PRKCE: variants seen among roughly 807,000 people sequenced by gnomAD.
PRKCE encodes the protein protein kinase C epsilon type.
A neutral mutation model predicts 85.4 loss-of-function variants in PRKCE; 16 were observed. The observed-to-expected ratio is 0.19, with a 90% confidence interval of 0.13 to 0.28. The LOEUF (loss-of-function observed/expected upper bound fraction) is 0.28, where lower values mean the gene tolerates loss of function less well. PRKCE is among the 10% of genes least tolerant of loss of function. PRKCE has a pLI of 1.00. For missense variants in PRKCE, 573 were observed against 975.2 expected (o/e 0.59, Z 5.49); for synonymous variants, 388 against 371.5 (o/e 1.04, Z -0.51).
chr2:45,726,444 G>A (rs1281917059), intron 1 of PRKCE, among the ~76,000 whole-genome samples: 1 of 152,164 alleles, frequency 6.6e-6, no homozygotes, highest in Non-Finnish European at 1.5e-5. Context: ...ATCGAGGCAC[G>A]ATTCCCCAGC....
chr2:45,827,280 C>A (rs2105369296), intron 1 of PRKCE, among the ~76,000 whole-genome samples: 1 of 152,356 alleles, frequency 6.6e-6, no homozygotes, highest in South Asian at 2.1e-4. Flanking sequence ...TGATACAATT[C>A]TTACGTGTGT....
intron 2 of PRKCE, among the ~76,000 whole-genome samples, chr2:45,904,844 C>T (rs1696853370): frequency 6.6e-6 from 1 of 152,092 alleles, no homozygotes; most frequent in South Asian, 2.1e-4. Context: ...ATGGCAGGGA[C>T]CCATGAGAGG....
intron 1 of PRKCE, among the ~76,000 whole-genome samples, chr2:45,838,323 C>T (rs899231992): frequency 6.6e-5 from 10 of 152,230 alleles, no homozygotes; most frequent in Non-Finnish European, 1.0e-4. Flanking sequence ...TTGACCTCTC[C>T]TCTGTGCCCC....
intron 2 of PRKCE, among the ~76,000 whole-genome samples, chr2:45,950,280 C>T (rs1700534872): frequency 6.6e-6 from 1 of 152,174 alleles, no homozygotes. Flanking sequence ...AAAATGAATG[C>T]TTAGTTTTAA....
At position 45,948,861 on chromosome 2, in the gene PRKCE, G is replaced by C. The variant is rs569299284; in HGVS notation, c.413-27568G>C. ...TTTTACTTTATATAAATGGTATACTGTACACATTGTTTTGTAACTTGCTTT... is the reference window on the plus strand; with the variant it reads ...TTTTACTTTATATAAATGGTATACTCTACACATTGTTTTGTAACTTGCTTT... On this transcript the variant is annotated intron_variant, in intron 2 of 14. Coordinates refer to ENST00000306156, the MANE Select transcript of PRKCE (RefSeq NM_005400.3). Among the ~76,000 whole-genome samples the C allele has an allele frequency of 6.6e-5, 10 of 152,218 alleles. No homozygotes were observed. The East Asian group carries it at 1.9e-3, about 29-fold the overall frequency.
At chr2:46,085,373 C>T (rs1669494988) in intron 10 of PRKCE, among the ~76,000 whole-genome samples, 1 of 152,216 alleles carries the variant, frequency 6.6e-6, no homozygotes, top group African/African-American at 2.4e-5. Context: ...TCTCCTGGGA[C>T]TGCCTCAACA....
chr2:46,030,524 C>A (rs890474178), intron 10 of PRKCE, among the ~76,000 whole-genome samples: 4 of 152,126 alleles, frequency 2.6e-5, no homozygotes, highest in African/African-American at 9.7e-5. Flanking sequence ...CCACCATGCC[C>A]CCCTCCCTGG....
At chr2:45,902,408 A>G (rs1351813299) in intron 2 of PRKCE, among the ~76,000 whole-genome samples, 1 of 152,236 alleles carries the variant, frequency 6.6e-6, no homozygotes, top group African/African-American at 2.4e-5. Context: ...GCTGTGATCC[A>G]ACAGGAGGAT....
intron 1 of PRKCE, among the ~76,000 whole-genome samples, chr2:45,804,369 C>G (rs1022391657): frequency 6.6e-6 from 1 of 152,128 alleles, no homozygotes. Flanking sequence ...CCATCCCTAC[C>G]GACCTGAATT....
chr2:45,670,180 C>G (rs969971803), intron 1 of PRKCE, among the ~76,000 whole-genome samples: 5 of 152,162 alleles, frequency 3.3e-5, no homozygotes, highest in African/African-American at 1.2e-4. Context: ...CGTGCCTTCT[C>G]TAATGGGATT....
intron 1 of PRKCE, among the ~76,000 whole-genome samples, chr2:45,682,650 G>A (rs568299832): frequency 4.2e-4 from 64 of 152,190 alleles, no homozygotes; most frequent in African/African-American, 1.4e-3. Context: ...GCAATGGCGC[G>A]ATCTCCACTC....
chr2:46,096,613 A>G (rs566033959), intron 11 of PRKCE, among the ~76,000 whole-genome samples: 1 of 152,350 alleles, frequency 6.6e-6, no homozygotes, highest in South Asian at 2.1e-4. Context: ...GCCTTCTGCA[A>G]GCCAAGGAGA....
At chr2:46,146,440 G>C (rs7578422) in intron 12 of PRKCE, among the ~76,000 whole-genome samples, 18,607 of 152,334 alleles carry the variant, frequency 0.12, 1,600 homozygotes, top group African/African-American at 0.23. Context: ...TTGGTCTAAA[G>C]GGAGTGATAG....
intron 1 of PRKCE, among the ~76,000 whole-genome samples, chr2:45,763,635 G>T (rs1684688718): frequency 6.6e-6 from 1 of 151,914 alleles, no homozygotes; most frequent in South Asian, 2.1e-4. Flanking sequence ...ATCTCCCTTG[G>T]TATAACCCGC....
intron 14 of PRKCE, among the ~76,000 whole-genome samples, chr2:46,163,710 C>T (rs1233575855): frequency 6.8e-6 from 1 of 147,126 alleles, no homozygotes; most frequent in Non-Finnish European, 1.5e-5. Flanking sequence ...GAGGCACACC[C>T]CAAAGAGGCC....
rs903211614 is a variant in PRKCE at position 45,907,521 on chromosome 2, G to A, written c.412+64458G>A. 6.6e-6 allele frequency among the ~76,000 whole-genome samples: 1 copy of A among 152,344 alleles called. No individual in the cohort carries two copies. The highest frequency in any genetic ancestry group is 2.1e-4 in the South Asian group (1 of 4,826). On this transcript the variant is annotated intron_variant, in intron 2 of 14. Coordinates refer to ENST00000306156, the MANE Select transcript of PRKCE (RefSeq NM_005400.3). This position sits in a 1 kb window ranked among gnomAD's most constrained non-coding sequence, Gnocchi z 4.5. ...CACACTTCTGAGGGCGTCATCGCAG[G>A]CCCTGTTCATCTCTCCGGGCAGTGG...
intron 10 of PRKCE, among the ~76,000 whole-genome samples, chr2:46,059,713 G>A (rs1054419077): frequency 2.6e-5 from 4 of 151,924 alleles, no homozygotes; most frequent in African/African-American, 9.7e-5. Flanking sequence ...AGGCTGAGGG[G>A]GATCACCTGA....
chr2:45,889,255 G>A (rs1259669117), intron 2 of PRKCE, among the ~76,000 whole-genome samples: 1 of 152,162 alleles, frequency 6.6e-6, no homozygotes, highest in Non-Finnish European at 1.5e-5. Context: ...CACGTGAAAT[G>A]TATGGAGGGC....
At chr2:45,945,948 A>G (rs1700216236) in intron 2 of PRKCE, among the ~76,000 whole-genome samples, 1 of 152,238 alleles carries the variant, frequency 6.6e-6, no homozygotes, top group East Asian at 1.9e-4. Flanking sequence ...CCATGGTTGA[A>G]TGGTAGTGAT....
Sources: gnomAD v4.1 joint callset for allele counts (sites outside exome capture counted in the v4.1 genomes callset) on GRCh38, gnomAD v4.1.1 for gene constraint, Gnocchi (gnomAD v3.1) non-coding constraint, MANE v1.5 for transcripts, NCBI Gene and HGNC (gene_info 2026-07-23, HGNC 2026-07-21) for gene names.